VIT: variants seen among roughly 807,000 people sequenced by gnomAD.
The protein encoded by VIT is vitrin.
Under a neutral mutation model 78.0 loss-of-function variants are expected in VIT, and 99 were observed. That is an observed-to-expected ratio of 1.27 (90% confidence interval 1.08 to 1.50). The LOEUF is 1.50. Ranked by LOEUF, VIT falls within the 40% of genes most tolerant of loss-of-function variation. The pLI, the probability that VIT is intolerant of heterozygous loss-of-function variation, is 0.00. For synonymous variants in VIT, 374 were observed against 334.3 expected, an observed-to-expected ratio of 1.12 and a Z score of -1.29; for missense variants, 1,126 against 875.3, an observed-to-expected ratio of 1.29 and a Z score of -3.61.
chr2:36,758,114 T>C (rs1668877701), intron 5 of VIT, among the ~76,000 whole-genome samples: 1 of 152,250 alleles, frequency 6.6e-6, no homozygotes. Context: ...GATGTAATAT[T>C]GGCTAACAGG....
intron 13 of VIT, among the ~76,000 whole-genome samples, chr2:36,805,204 T>A (rs1471803693): frequency 6.6e-6 from 1 of 150,440 alleles, no homozygotes; most frequent in Non-Finnish European, 1.5e-5. Flanking sequence ...CTCAGGAGGC[T>A]GAGGTGGGAG....
chr2:36,757,233 T>C (rs903574170), intron 5 of VIT, among the ~76,000 whole-genome samples: 6 of 152,210 alleles, frequency 3.9e-5, no homozygotes, highest in Non-Finnish European at 5.9e-5. Context: ...ATGATCTTTC[T>C]CTAGGTTTTT....
chr2:36,706,421 G>A (rs970514647), intron 1 of VIT, among the ~76,000 whole-genome samples: 1 of 152,144 alleles, frequency 6.6e-6, no homozygotes. Flanking sequence ...ATCATGCACA[G>A]GAGACAGAGT....
chr2:36,802,585 C>T (rs1014715731), intron 13 of VIT, among the ~76,000 whole-genome samples: 3 of 152,202 alleles, frequency 2.0e-5, no homozygotes, highest in African/African-American at 7.2e-5. Flanking sequence ...ACTCTCCATG[C>T]CCCCAAAGCA....
chr2:36,754,205 A>G (rs1236513607), intron 4 of VIT, among the ~76,000 whole-genome samples: 2 of 152,120 alleles, frequency 1.3e-5, no homozygotes, highest in East Asian at 1.9e-4. Context: ...TCCTGGAGGG[A>G]AGGAAGGGTG....
chr2:36,802,494 C>T (rs954508539), intron 13 of VIT, among the ~76,000 whole-genome samples: 8 of 152,186 alleles, frequency 5.3e-5, no homozygotes, highest in Non-Finnish European at 4.4e-5. Context: ...GTGTATGTCT[C>T]TATAGTGACC....
At chr2:36,757,414 A>G (rs1668833684) in intron 5 of VIT, among the ~76,000 whole-genome samples, 1 of 152,148 alleles carries the variant, frequency 6.6e-6, no homozygotes, top group Non-Finnish European at 1.5e-5. Context: ...CCTTTGATCC[A>G]CATTTCAGGG....
intron 3 of VIT, among the ~76,000 whole-genome samples, chr2:36,730,312 A>T (rs748911544): frequency 1.5e-4 from 23 of 151,996 alleles, no homozygotes; most frequent in Non-Finnish European, 2.9e-4. Flanking sequence ...GGGGGAAAAA[A>T]AAGAAAATCT....
Position 36,767,193 on chromosome 2 carries a change from C to G in VIT, c.587C>G (p.Thr196Ser), listed in dbSNP as rs776405103. 1.1e-5 allele frequency: 18 copies of G among 1,609,954 alleles called. 1 individual carries two copies. Among genetic ancestry groups the G allele is most frequent in the Non-Finnish European group, 1.4e-5 (16 of 1,178,450 alleles). Residue 196 changes from threonine (T) to serine (S), a missense_variant, in exon 7 of 16, where the codon ACC (threonine) becomes AGC (serine). By Grantham distance (58) the Thr-to-Ser change is moderately conservative (BLOSUM62 1). Coordinates refer to ENST00000379242, the MANE Select transcript of VIT (RefSeq NM_053276.4). ...QLLAVTVAVA[T>S]PTTLPRPSPS... ...CTGGCTGTCACTGTAGCTGTGGCCA[C>G]CCCCACCACCTTGCCAAGGCCATCC...
chr2:36,787,112 CT>C lies in VIT; in HGVS notation c.911-12del, dbSNP rs778844338. 2.5e-6 allele frequency: 4 copies of C among 1,613,992 alleles called. No individual in the cohort carries two copies. In the East Asian group the frequency reaches 6.7e-5, roughly 27 times the overall value. On this transcript the variant is annotated splice_polypyrimidine_tract_variant and intron_variant, in intron 11 of 15. Coordinates refer to ENST00000379242, the MANE Select transcript of VIT (RefSeq NM_053276.4). Reference sequence around the variant, plus strand: ...TGAGAGATCATGAGAATAATAGAGTCTTTTTCCGTTCCGCAGACTGCAAAAT... The same window carrying C: ...TGAGAGATCATGAGAATAATAGAGTCTTTTCCGTTCCGCAGACTGCAAAAT...
chr2:36,814,567 C>T lies in VIT; in HGVS notation c.*206C>T. ...ATGATCACAAACGTATAGAATGAGC[C>T]AAAAGGCTACATCATGTTGAGGGTG... On this transcript the variant is annotated 3_prime_UTR_variant, in exon 16 of 16. Coordinates refer to ENST00000379242, the MANE Select transcript of VIT (RefSeq NM_053276.4). The T allele has an allele frequency of 1.7e-6, 1 of 586,996 alleles. No individual in the cohort carries two copies. Among genetic ancestry groups the T allele is most frequent in the Non-Finnish European group, 2.9e-6 (1 of 349,864 alleles). 36.4% of individuals were successfully genotyped at this position (586,996 alleles called of 1,614,324 possible). A position where few individuals can be genotyped will look rare whatever the true frequency, so the allele number is the denominator to read the frequency against.
intron 1 of VIT, among the ~76,000 whole-genome samples, chr2:36,697,356 T>C (rs1664741325): frequency 2.0e-5 from 3 of 152,250 alleles, no homozygotes; most frequent in Admixed American, 6.5e-5. Flanking sequence ...AATAGCAATA[T>C]AGCAAATTGC....
chr2:36,797,590 C>A (rs561437959), intron 12 of VIT, among the ~76,000 whole-genome samples: 1 of 152,100 alleles, frequency 6.6e-6, no homozygotes, highest in Non-Finnish European at 1.5e-5. Context: ...TTGGAAATAT[C>A]TAACCTGAGG....
intron 6 of VIT, among the ~76,000 whole-genome samples, chr2:36,760,730 C>A (rs2148566602): frequency 6.6e-6 from 1 of 152,254 alleles, no homozygotes; most frequent in African/African-American, 2.4e-5. Context: ...CATCCTGGCA[C>A]CCTCTTGTTG....
chr2:36,775,243 T>C (rs1669982763), intron 9 of VIT, among the ~76,000 whole-genome samples, 176 bp downstream of exon 9: 1 of 152,216 alleles, frequency 6.6e-6, no homozygotes, highest in Non-Finnish European at 1.5e-5. Flanking sequence ...CTTTGATTGA[T>C]CTGTTCTCAG....
chr2:36,718,252 T>A (rs181185131), intron 2 of VIT, among the ~76,000 whole-genome samples: 61 of 152,248 alleles, frequency 4.0e-4, no homozygotes, highest in African/African-American at 1.4e-3. Flanking sequence ...ATGAGAGTGC[T>A]TAAGGTCTGT....
chr2:36,699,730 T>G (rs772423477), intron 1 of VIT, among the ~76,000 whole-genome samples: 7 of 152,184 alleles, frequency 4.6e-5, no homozygotes, highest in Non-Finnish European at 1.0e-4. Context: ...AAGACTTTTT[T>G]CAGCTTTCTG....
rs201887923 is a variant in VIT, at chr2:36,808,606, G to T, written c.1524G>T (p.Ser508=). ...RLACSKTCLN[S]ADIGFVIDGS... is the part of the protein sequence containing the mutation. The stretch of plus-strand genomic sequence containing the variant: ...CCTGCAGCAAGACCTGCTTGAACTC[G>T]GCTGACATTGGCTTCGTCATCGACG... Residue 508 remains serine (S), a synonymous_variant, in exon 15 of 16, where the codon TCG becomes TCT. Coordinates refer to ENST00000379242, the MANE Select transcript of VIT (RefSeq NM_053276.4). The T allele has an allele frequency of 6.2e-7, 1 of 1,614,180 alleles. No homozygotes were observed. The highest frequency in any genetic ancestry group is 8.5e-7 in the Non-Finnish European group (1 of 1,180,048).
intron 9 of VIT, 80 bp from the exon 10 acceptor site, chr2:36,781,647 T>C: frequency 6.6e-7 from 1 of 1,523,264 alleles, no homozygotes; most frequent in South Asian, 1.1e-5. Flanking sequence ...GGAAACCTTA[T>C]CATCCCGGCA....
Sources: gnomAD v4.1 joint callset for allele counts (sites outside exome capture counted in the v4.1 genomes callset) on GRCh38, gnomAD v4.1.1 for gene constraint, MANE v1.5 for transcripts, NCBI Gene and HGNC (gene_info 2026-07-23, HGNC 2026-07-21) for gene names.